ADAMTSL3: variants seen among roughly 807,000 people sequenced by gnomAD.
ADAMTSL3 encodes the protein ADAMTS-like protein 3.
Under a neutral mutation model 201.7 loss-of-function variants are expected in ADAMTSL3, and 128 were observed. The observed-to-expected ratio is 0.63, with a 90% CI of 0.55 to 0.73. The LOEUF is 0.73. Ranked by LOEUF, ADAMTSL3 falls within the 30% of genes least tolerant of loss-of-function variation. The pLI is 0.00. For missense variants in ADAMTSL3, 1,990 were observed against 2,119.6 expected (o/e 0.94, Z 1.20); for synonymous variants, 738 against 748.4 (o/e 0.99, Z 0.23).
chr15:83,879,406 G>A (rs2065233573), intron 9 of ADAMTSL3, among the ~76,000 whole-genome samples: 1 of 151,718 alleles, frequency 6.6e-6, no homozygotes, highest in South Asian at 2.1e-4. Flanking sequence ...TTCTCTCAAT[G>A]CATGCCTTAT....
chr15:83,883,297 C>T (rs997952649), intron 9 of ADAMTSL3, among the ~76,000 whole-genome samples: 23 of 151,444 alleles, frequency 1.5e-4, no homozygotes, highest in Non-Finnish European at 2.7e-4. Context: ...CTCAGCTTCC[C>T]GAGTAGCTGG....
chr15:83,999,285 C>T (rs1237820834), intron 23 of ADAMTSL3, among the ~76,000 whole-genome samples: 1 of 152,152 alleles, frequency 6.6e-6, no homozygotes, highest in Non-Finnish European at 1.5e-5. Flanking sequence ...ACCATTTGTA[C>T]TTCTTTACAG....
chr15:83,655,919 G>C (rs1015734878), intron 2 of ADAMTSL3, 89 bp downstream of exon 2: 23 of 1,325,640 alleles, frequency 1.7e-5, no homozygotes, highest in Non-Finnish European at 2.3e-5. Context: ...GATGTGGCAT[G>C]ATTAGTGTTA....
intron 24 of ADAMTSL3, among the ~76,000 whole-genome samples, chr15:84,015,116 T>C (rs1023395791): frequency 6.6e-6 from 1 of 152,130 alleles, no homozygotes; most frequent in African/African-American, 2.4e-5. Context: ...CAGCTAATTT[T>C]TGTATTTTTA....
chr15:83,695,212 TGTGTGTGTGTGTGTA>T (rs1172661618), intron 2 of ADAMTSL3, among the ~76,000 whole-genome samples: 2 of 7,276 alleles, frequency 2.7e-4, no homozygotes, highest in African/African-American at 4.3e-4. Context: ...GTTTGTGGTG[TGTGTGTGTGTGTGTA>T]ATGTGTGTGT....
chr15:83,928,070 G>C (rs1250862781), intron 17 of ADAMTSL3, among the ~76,000 whole-genome samples: 2 of 151,852 alleles, frequency 1.3e-5, no homozygotes, highest in African/African-American at 2.4e-5. Context: ...TGAACTTCTG[G>C]GGTCAAGTGA....
At position 83,655,784 on chromosome 15, in the gene ADAMTSL3, G is replaced by A. The variant is rs1160340931; in HGVS notation, c.23G>A (p.Trp8Ter). MASWTSP[W>*]WVLIGMVFMH... ...CCCATGGCTTCCTGGACGAGCCCCT[G>A]GTGGGTGCTGATAGGGATGGTCTTC... Residue 8 changes from tryptophan (W) to a stop codon, truncating the protein, a stop_gained, in exon 2 of 30, where the codon TGG becomes TAG. Transcript: ENST00000286744. LOFTEE classifies it high-confidence loss of function. The A allele has an allele frequency of 1.9e-6, 3 of 1,614,040 alleles. No homozygotes were observed. Among genetic ancestry groups the A allele is most frequent in the Non-Finnish European group, 2.5e-6 (3 of 1,180,032 alleles).
chr15:83,728,312 C>G (rs932664868), intron 3 of ADAMTSL3, among the ~76,000 whole-genome samples: 5 of 151,316 alleles, frequency 3.3e-5, no homozygotes, highest in Middle Eastern at 3.4e-3. Context: ...ATTCATTTAG[C>G]CACTCTATGT....
intron 4 of ADAMTSL3, among the ~76,000 whole-genome samples, chr15:83,774,128 T>G (rs2063032303): frequency 6.6e-6 from 1 of 152,200 alleles, no homozygotes; most frequent in Non-Finnish European, 1.5e-5. Flanking sequence ...ATCTGTAAAT[T>G]TGTAATAAGC....
At chr15:83,834,326 G>A (rs1446356682) in intron 6 of ADAMTSL3, among the ~76,000 whole-genome samples, 1 of 152,076 alleles carries the variant, frequency 6.6e-6, no homozygotes. Context: ...CTTCAAAGGG[G>A]GTGGAGAAGT....
chr15:83,834,394 G>A (rs1342772603), intron 6 of ADAMTSL3, among the ~76,000 whole-genome samples: 1 of 152,064 alleles, frequency 6.6e-6, no homozygotes, highest in East Asian at 1.9e-4. Context: ...GACTACCACA[G>A]CTCCATATAC....
chr15:83,789,398 A>G (rs1182092831), intron 4 of ADAMTSL3, among the ~76,000 whole-genome samples: 4 of 151,998 alleles, frequency 2.6e-5, no homozygotes, highest in Non-Finnish European at 4.4e-5. Context: ...TTCACCTTGC[A>G]TAGTCTCAGT....
At position 83,942,951 on chromosome 15, in the gene ADAMTSL3, C is replaced by T. The variant is rs144261648; in HGVS notation, c.2359C>T (p.Arg787Trp). The change falls in exon 19 of 30, where the codon CGG (arginine) becomes TGG (tryptophan). Residue 787 changes from arginine to tryptophan, a missense_variant. Coordinates refer to ENST00000286744, the MANE Select transcript of ADAMTSL3 (RefSeq NM_207517.3). The part of the protein sequence containing the change: ...GGTQNRRVTC[R>W]QLLTDGSFLN... ...AACTCAGAACAGAAGAGTCACCTGT[C>T]GGCAGCTGCTAACGGATGGCAGCTT... The T allele has an allele frequency of 1.1e-4, 179 of 1,612,926 alleles. 1 individual carries two copies. Among genetic ancestry groups the T allele is most frequent in the South Asian group, 2.2e-5 (2 of 90,880 alleles).
chr15:83,813,715 A>G (rs536745944), intron 5 of ADAMTSL3, among the ~76,000 whole-genome samples: 23 of 152,298 alleles, frequency 1.5e-4, no homozygotes, highest in African/African-American at 5.3e-4. Flanking sequence ...ATGCCTGGGT[A>G]CAGTGCCATG....
chr15:83,854,868 G>C (rs375103321), intron 7 of ADAMTSL3, among the ~76,000 whole-genome samples: 70 of 152,320 alleles, frequency 4.6e-4, no homozygotes, highest in Non-Finnish European at 7.8e-4. Flanking sequence ...GCCAGTGGGA[G>C]CACTTTAAAC....
chr15:83,762,683 C>G (rs754802981), intron 3 of ADAMTSL3, among the ~76,000 whole-genome samples: 2 of 152,188 alleles, frequency 1.3e-5, no homozygotes, highest in African/African-American at 2.4e-5. Context: ...GGCCACACTT[C>G]TTAATACTAT....
intron 2 of ADAMTSL3, among the ~76,000 whole-genome samples, chr15:83,665,702 G>A (rs1001679616): frequency 1.3e-5 from 2 of 152,176 alleles, no homozygotes; most frequent in African/African-American, 4.8e-5. Flanking sequence ...TAACATGGAA[G>A]CATAAAGCAG....
chr15:83,888,824 C>G (rs1054330708), intron 10 of ADAMTSL3, among the ~76,000 whole-genome samples: 3 of 152,182 alleles, frequency 2.0e-5, no homozygotes, highest in African/African-American at 7.2e-5. Context: ...TCCTTCTGCA[C>G]TCAGCTTACA....
intron 2 of ADAMTSL3, among the ~76,000 whole-genome samples, chr15:83,688,783 T>TAC (rs1567073540): frequency 1.7e-4 from 13 of 77,660 alleles, no homozygotes; most frequent in African/African-American, 4.1e-4. Context: ...CACACACACA[T>TAC]ACACACACAC....
Sources: gnomAD v4.1 joint callset for allele counts (sites outside exome capture counted in the v4.1 genomes callset) on GRCh38, gnomAD v4.1.1 for gene constraint, MANE v1.5 for transcripts, NCBI Gene and HGNC (gene_info 2026-07-23, HGNC 2026-07-21) for gene names.